The following GRK5 variants were observed in gnomAD, a reference collection of about 807,000 sequenced individuals.
GRK5 encodes G protein-coupled receptor kinase 5.
Under a neutral mutation model 78.4 loss-of-function variants are expected in GRK5, and 40 were observed. The ratio of observed to expected loss-of-function variants is 0.51; its 90% CI spans 0.40 to 0.66. The LOEUF is 0.66. Ranked by LOEUF, GRK5 falls within the 30% of genes least tolerant of loss-of-function variation. The pLI is 0.00. For synonymous variants in GRK5, 289 were observed against 296.8 expected (o/e 0.97, Z 0.27); for missense variants, 598 against 759.9 (o/e 0.79, Z 2.50).
At chr10:119,333,576 C>A (rs559392218) in intron 2 of GRK5, 3 of 349,098 alleles carry the variant, frequency 8.6e-6, no homozygotes, top group Non-Finnish European at 1.7e-5. Context: ...TGACACCTTG[C>A]AACTCCCCAT....
chr10:119,293,264 G>A (rs116012361), intron 1 of GRK5, among the ~76,000 whole-genome samples: 2,863 of 152,256 alleles, frequency 0.019, 77 homozygotes, highest in African/African-American at 0.066. Context: ...TCACACCTGT[G>A]ATTCCAGCAC....
chr10:119,398,244 C>A lies in GRK5; in HGVS notation c.339+1472C>A, dbSNP rs145277252. ...GGCTCTGGCTAGATACATTTTTGATCTCCTGGCCACCACTCAAGATAGTGT... is the reference window on the plus strand; with the variant it reads ...GGCTCTGGCTAGATACATTTTTGATATCCTGGCCACCACTCAAGATAGTGT... On this transcript the variant is annotated intron_variant, in intron 4 of 15. Coordinates refer to ENST00000392870, the MANE Select transcript of GRK5 (RefSeq NM_005308.3). Among the ~76,000 whole-genome samples, 20 of 152,294 alleles carry A rather than the reference C, an allele frequency of 1.3e-4. No individual in the cohort carries two copies. In the East Asian group the frequency reaches 3.9e-3, roughly 29 times the overall value.
At chr10:119,425,129 C>A in intron 6 of GRK5, 44 bp downstream of exon 6, 2 of 1,344,624 alleles carry the variant, frequency 1.5e-6, no homozygotes, top group Non-Finnish European at 2.1e-6. Flanking sequence ...GCAGAGGGTA[C>A]ACATTTTTCA....
At chr10:119,357,589 C>T (rs993206727) in intron 2 of GRK5, among the ~76,000 whole-genome samples, 2 of 152,180 alleles carry the variant, frequency 1.3e-5, no homozygotes, top group African/African-American at 4.8e-5. Flanking sequence ...CTTCCAGAGG[C>T]CTGCATCCAG....
At position 119,235,545 on chromosome 10, in the gene GRK5, AG is replaced by A. The variant is rs559311881; in HGVS notation, c.52+27579del. On this transcript the variant is annotated intron_variant, in intron 1 of 15. Transcript: ENST00000392870. ...TCTGGGACCAGTTGTTTTTTCATTGAGGGCCCCTTACAAGGCACACTCGGGT... is the reference window on the plus strand; with the variant it reads ...TCTGGGACCAGTTGTTTTTTCATTGAGGCCCCTTACAAGGCACACTCGGGT... Among the ~76,000 whole-genome samples the A allele has an allele frequency of 4.9e-4, 74 of 152,172 alleles. 1 individual carries two copies. The highest frequency in any genetic ancestry group is 1.5e-3 in the African/African-American group (61 of 41,522).
rs575851894 is a variant in GRK5 at position 119,295,891 on chromosome 10, C to A, written c.53-30625C>A. Among the ~76,000 whole-genome samples, 109 of 151,996 alleles carry A rather than the reference C, an allele frequency of 7.2e-4. 2 individuals carry two copies. The highest frequency in any genetic ancestry group is 1.4e-3 in the Admixed American group (22 of 15,260). On this transcript the variant is annotated intron_variant, in intron 1 of 15. Coordinates refer to ENST00000392870, the MANE Select transcript of GRK5 (RefSeq NM_005308.3). ...GGTGCGCCAGAATCTCACAAATCACCACTAAAGAACTTACTCATACCACCT... is the reference window on the plus strand; with the variant it reads ...GGTGCGCCAGAATCTCACAAATCACAACTAAAGAACTTACTCATACCACCT...
chr10:119,419,822 C>G (rs539774670), intron 4 of GRK5, among the ~76,000 whole-genome samples: 26 of 152,330 alleles, frequency 1.7e-4, no homozygotes, highest in African/African-American at 6.0e-4. Context: ...CCAGATGACC[C>G]CAGCTCACAA....
chr10:119,348,870 G>C (rs1344533968), intron 2 of GRK5, among the ~76,000 whole-genome samples: 1 of 152,182 alleles, frequency 6.6e-6, no homozygotes, highest in Non-Finnish European at 1.5e-5. Flanking sequence ...TCCATTAAGA[G>C]GTATAAATAG....
intron 8 of GRK5, among the ~76,000 whole-genome samples, chr10:119,433,961 G>A (rs1159056918): frequency 6.6e-6 from 1 of 152,234 alleles, no homozygotes; most frequent in Non-Finnish European, 1.5e-5. Context: ...TGTGGCTGGG[G>A]AGGCCTCACA....
intron 2 of GRK5, among the ~76,000 whole-genome samples, chr10:119,356,153 C>T (rs918044405): frequency 6.6e-6 from 1 of 152,208 alleles, no homozygotes; most frequent in Admixed American, 6.5e-5. Flanking sequence ...TCTATGAAAC[C>T]AGGGACTAGC....
chr10:119,430,527 A>C lies in GRK5; in HGVS notation c.597+89A>C. 3 of 1,254,456 alleles carry C rather than the reference A, an allele frequency of 2.4e-6. No homozygotes were observed. Among genetic ancestry groups the C allele is most frequent in the Non-Finnish European group, 3.4e-6 (3 of 878,980 alleles). 77.7% of individuals were successfully genotyped at this position (1,254,456 alleles called of 1,614,324 possible). On this transcript the variant is annotated intron_variant, in intron 7 of 15. Transcript: ENST00000392870. The surrounding 1 kb of genome is among the most constrained non-coding windows in gnomAD (Gnocchi z 4.5). ...CTAAATCAACCTAAAGGGTTGGCCC[A>C]CGGGTCCCCCGGGGGCACCAGTGGC... is the stretch of plus-strand genomic sequence containing the variant.
At position 119,452,893 on chromosome 10, in the gene GRK5, C is replaced by G; in HGVS notation, c.1542+85C>G. On this transcript the variant is annotated intron_variant, in intron 14 of 15. Transcript: ENST00000392870. This position sits in a 1 kb window ranked among gnomAD's most constrained non-coding sequence, Gnocchi z 4.4. ...GGAGGCGTCGGGAATATGAGTTTGG[C>G]GGCAGGAGGCTGAGCGCATGGTTTC... 2.8e-6 allele frequency: 4 copies of G among 1,441,534 alleles called. No homozygotes were observed. Among genetic ancestry groups the G allele is most frequent in the Middle Eastern group, 1.9e-4 (1 of 5,222 alleles). The allele number at this position is 1,441,534 out of a possible 1,614,324, so 89.3% of individuals were successfully genotyped here. A position where few individuals can be genotyped will look rare whatever the true frequency, so the allele number is the denominator to read the frequency against.
intron 2 of GRK5, among the ~76,000 whole-genome samples, chr10:119,361,404 C>T (rs1013799539): frequency 6.6e-6 from 1 of 152,228 alleles, no homozygotes; most frequent in Non-Finnish European, 1.5e-5. Context: ...CCCTGACCAC[C>T]ATTCATTCAT....
rs1187484448 is a variant in GRK5, at chr10:119,377,233, C to G, written c.149-3582C>G. ...TGAAACAGATCCGAAAGGGTCCACT[C>G]CAAGCATGTATCGTAGAACTTCTCA... On this transcript the variant is annotated intron_variant, in intron 2 of 15. Transcript: ENST00000392870. Among the ~76,000 whole-genome samples the G allele has an allele frequency of 1.1e-4, 17 of 152,368 alleles. No individual in the cohort carries two copies. In the East Asian group the frequency reaches 3.1e-3, roughly 28 times the overall value.
chr10:119,321,647 C>T (rs1265020278), intron 1 of GRK5, among the ~76,000 whole-genome samples: 2 of 152,192 alleles, frequency 1.3e-5, no homozygotes, highest in Non-Finnish European at 2.9e-5. Context: ...TAATCTCATC[C>T]ACAAACTTAA....
In GRK5 at chr10:119,393,823, G is replaced by A. The variant is rs150734531; in HGVS notation, c.262-2872G>A. ...CATGTAGATATAATAATAATACCCTGCCATGTAGGGTGAGCCTGGAATCAG... is the reference window on the plus strand; with the variant it reads ...CATGTAGATATAATAATAATACCCTACCATGTAGGGTGAGCCTGGAATCAG... On this transcript the variant is annotated intron_variant, in intron 3 of 15. Coordinates refer to ENST00000392870, the MANE Select transcript of GRK5 (RefSeq NM_005308.3). Among the ~76,000 whole-genome samples, 9 of 152,276 alleles carry A rather than the reference G, an allele frequency of 5.9e-5. No individual in the cohort carries two copies. In the East Asian group the frequency reaches 1.7e-3, roughly 29 times the overall value.
At position 119,406,534 on chromosome 10, in the gene GRK5, C is replaced by T. The variant is rs574530638; in HGVS notation, c.339+9762C>T. On this transcript the variant is annotated intron_variant, in intron 4 of 15. Coordinates refer to ENST00000392870, the MANE Select transcript of GRK5 (RefSeq NM_005308.3). ...GGGTCCCAGACACTGGCCCTGGACCCGGCTCTTCATCTCTACTGAGATTGC... is the reference window on the plus strand; with the variant it reads ...GGGTCCCAGACACTGGCCCTGGACCTGGCTCTTCATCTCTACTGAGATTGC... The T allele has an allele frequency of 1.5e-4, 143 of 935,742 alleles. No homozygotes were observed. The African/African-American group carries it at 2.2e-3, about 14-fold the overall frequency. 58.0% of individuals were successfully genotyped at this position (935,742 alleles called of 1,614,324 possible).
chr10:119,313,191 A>G (rs1366495445), intron 1 of GRK5, among the ~76,000 whole-genome samples: 26 of 135,284 alleles, frequency 1.9e-4, no homozygotes, highest in Non-Finnish European at 3.3e-4. Context: ...GGTGATGATG[A>G]TGGTGGTGGT....
At chr10:119,362,449 C>G (rs1564905563) in intron 2 of GRK5, among the ~76,000 whole-genome samples, 2 of 152,210 alleles carry the variant, frequency 1.3e-5, no homozygotes. Flanking sequence ...GTTCCTGGAA[C>G]CAGGGTGTTT....
Sources: gnomAD v4.1 joint callset for allele counts (sites outside exome capture counted in the v4.1 genomes callset) on GRCh38, gnomAD v4.1.1 for gene constraint, Gnocchi (gnomAD v3.1) non-coding constraint, MANE v1.5 for transcripts, NCBI Gene and HGNC (gene_info 2026-07-23, HGNC 2026-07-21) for gene names.